ANXA8: variants seen among roughly 807,000 people sequenced by gnomAD.
ANXA8 encodes the protein annexin A8, also known as VAC-beta.
A neutral mutation model predicts 26.8 loss-of-function variants in ANXA8; 9 were observed. The observed-to-expected ratio is 0.34, with a 90% CI of 0.20 to 0.59. The LOEUF (loss-of-function observed/expected upper bound fraction) is 0.59. Ranked by LOEUF, ANXA8 falls within the 20% of genes least tolerant of loss-of-function variation. The pLI is 0.84. For missense variants in ANXA8, 83 were observed against 238.5 expected, an observed-to-expected ratio of 0.35 and a Z score of 4.29; for synonymous variants, 39 against 94.8, an observed-to-expected ratio of 0.41 and a Z score of 3.42.
At chr10:47,743,253 TATATATATATAC>T in the ANXA8 span, among the ~76,000 whole-genome samples, 13 of 119,990 alleles carry the variant, frequency 1.1e-4, no homozygotes, top group African/African-American at 4.0e-4. Flanking sequence ...TTCATATATA[TATATATATATAC>T]ATATATATAT....
chr10:47,633,530 G>A, the ANXA8 span, among the ~76,000 whole-genome samples: 2 of 93,608 alleles, frequency 2.1e-5, no homozygotes, highest in South Asian at 3.6e-4. Context: ...CTAGCCCCTC[G>A]ATTAACGTAA....
chr10:47,488,726 T>C (rs1840090448), upstream of ANXA8, among the ~76,000 whole-genome samples: 2 of 119,976 alleles, frequency 1.7e-5, no homozygotes, highest in African/African-American at 6.8e-5. Context: ...TTTTTTTTTT[T>C]TTTTTTTTTT....
At chr10:47,974,006 T>C in the ANXA8 span, among the ~76,000 whole-genome samples, 2 of 150,880 alleles carry the variant, frequency 1.3e-5, no homozygotes, top group East Asian at 2.0e-4. Flanking sequence ...TGGGAGATTG[T>C]ATGTTCCCAG....
the ANXA8 span, among the ~76,000 whole-genome samples, chr10:47,512,324 TA>T: frequency 1.6e-5 from 2 of 127,172 alleles, 1 homozygote; most frequent in African/African-American, 5.6e-5. Flanking sequence ...TTTAACCCAT[TA>T]AAAATACTAA....
the ANXA8 span, among the ~76,000 whole-genome samples, chr10:47,694,126 A>G: frequency 6.6e-6 from 1 of 151,810 alleles, no homozygotes; most frequent in Admixed American, 6.5e-5. Context: ...ACTAGGTAAC[A>G]TTCTCTCTGG....
chr10:47,474,299 TG>T lies in ANXA8; in HGVS notation c.646+5del. On this transcript the variant is annotated splice_donor_5th_base_variant and intron_variant, in intron 8 of 11. Coordinates refer to ENST00000585281, the MANE Select transcript of ANXA8 (RefSeq NM_001040084.3). ...GCCCCGGCCCCAGCCCCTCCCTCCC[TG>T]GTACCTCTCAGCAGGTGAGTGGCAC... 1.0e-6 allele frequency: 1 copy of T among 995,074 alleles called. No homozygotes were observed. Among genetic ancestry groups the T allele is most frequent in the South Asian group, 1.3e-5 (1 of 76,304 alleles). 61.6% of individuals were successfully genotyped at this position (995,074 alleles called of 1,614,324 possible).
the ANXA8 span, among the ~76,000 whole-genome samples, chr10:47,637,190 CA>C: frequency 1.4e-5 from 2 of 145,928 alleles, no homozygotes; most frequent in Non-Finnish European, 3.0e-5. Context: ...CAGAACCAGA[CA>C]AATTAAACAG....
the ANXA8 span, among the ~76,000 whole-genome samples, chr10:47,550,309 C>T: frequency 2.0e-5 from 3 of 150,364 alleles, no homozygotes; most frequent in South Asian, 2.1e-4. Context: ...AAAGAGAAAA[C>T]GCGCACTTCC....
chr10:47,732,628 A>T, the ANXA8 span, among the ~76,000 whole-genome samples: 6 of 108,674 alleles, frequency 5.5e-5, no homozygotes, highest in Non-Finnish European at 1.1e-4. Context: ...TTTATTTGTT[A>T]GTCACTTAGT....
At chr10:47,689,500 T>A in the ANXA8 span, among the ~76,000 whole-genome samples, 1 of 152,008 alleles carries the variant, frequency 6.6e-6, no homozygotes, top group Non-Finnish European at 1.5e-5. Context: ...AGGTGAAAAA[T>A]TTTTGTGAAT....
chr10:47,741,012 G>C, the ANXA8 span, among the ~76,000 whole-genome samples: 1 of 151,306 alleles, frequency 6.6e-6, no homozygotes, highest in African/African-American at 2.4e-5. Flanking sequence ...GTCAACATTT[G>C]AGATGTCAGT....
the ANXA8 span, among the ~76,000 whole-genome samples, chr10:47,969,721 T>G: frequency 6.7e-6 from 1 of 149,422 alleles, no homozygotes; most frequent in South Asian, 2.1e-4. Flanking sequence ...GAATCTTCTT[T>G]TTTCTTTTCT....
At chr10:47,768,146 G>A in the ANXA8 span, among the ~76,000 whole-genome samples, 27 of 151,138 alleles carry the variant, frequency 1.8e-4, 1 homozygote, top group Non-Finnish European at 3.4e-4. Flanking sequence ...CTGTCCTAAA[G>A]TTTTTTGACC....
chr10:47,694,878 G>A, the ANXA8 span, among the ~76,000 whole-genome samples: 4 of 151,286 alleles, frequency 2.6e-5, no homozygotes, highest in African/African-American at 9.7e-5. Flanking sequence ...GAAGATGGGA[G>A]GCTTAACATT....
At chr10:47,671,422 AAAAAC>A in the ANXA8 span, among the ~76,000 whole-genome samples, 128 of 150,390 alleles carry the variant, frequency 8.5e-4, no homozygotes, top group Middle Eastern at 6.8e-3. Flanking sequence ...ACCCTGTCTC[AAAAAC>A]AAAACAAAAC....
intron 11 of ANXA8, among the ~76,000 whole-genome samples, chr10:47,470,027 G>A (rs1311760986): frequency 6.6e-6 from 1 of 151,512 alleles, no homozygotes; most frequent in Non-Finnish European, 1.5e-5. Context: ...TACGGGTGTG[G>A]GCCACTACGC....
the ANXA8 span, among the ~76,000 whole-genome samples, chr10:47,989,421 G>T: frequency 2.4e-5 from 3 of 123,166 alleles, 1 homozygote; most frequent in East Asian, 2.2e-4. Flanking sequence ...TAGGTCTCAG[G>T]TGCAGCATTT....
chr10:47,733,403 A>G, the ANXA8 span, among the ~76,000 whole-genome samples: 3 of 130,384 alleles, frequency 2.3e-5, no homozygotes, highest in Non-Finnish European at 3.2e-5. Flanking sequence ...TTTTGATAGG[A>G]TAACATTTTC....
the ANXA8 span, among the ~76,000 whole-genome samples, chr10:47,891,589 AATAG>A: frequency 4.2e-4 from 4 of 9,476 alleles, no homozygotes; most frequent in Middle Eastern, 0.023. Context: ...TCTACAAATA[AATAG>A]AAAAAAAAAA....
Sources: gnomAD v4.1 joint callset for allele counts (sites outside exome capture counted in the v4.1 genomes callset) on GRCh38, gnomAD v4.1.1 for gene constraint, MANE v1.5 for transcripts, NCBI Gene and HGNC (gene_info 2026-07-23, HGNC 2026-07-21) for gene names.